CLEC2L: variants seen among roughly 807,000 people sequenced by gnomAD.
CLEC2L encodes C-type lectin domain family 2, member L.
A neutral mutation model predicts 23.6 loss-of-function variants in CLEC2L; 14 were observed. The observed-to-expected ratio is 0.59, with a 90% CI of 0.39 to 0.93. The LOEUF is 0.93. Ranked by LOEUF, CLEC2L falls within the 40% of genes least tolerant of loss-of-function variation. The pLI, the probability that CLEC2L is intolerant of heterozygous loss-of-function variation, is 0.00. For missense variants in CLEC2L, 264 were observed against 282.4 expected, an observed-to-expected ratio of 0.93 and a Z score of 0.47; for synonymous variants, 114 against 121.3, an observed-to-expected ratio of 0.94 and a Z score of 0.40.
At chr7:139,532,318 C>T (rs1454277869) in intron 1 of CLEC2L, among the ~76,000 whole-genome samples, 1 of 152,178 alleles carries the variant, frequency 6.6e-6, no homozygotes, top group Non-Finnish European at 1.5e-5. Flanking sequence ...TGGTTTTGCT[C>T]TACCCTTCCT....
Position 139,523,773 on chromosome 7 carries a change from A to G in CLEC2L, c.-155A>G, listed in dbSNP as rs2116537224. 3.0e-6 allele frequency: 1 copy of G among 332,876 alleles called. No individual in the cohort carries two copies. Among genetic ancestry groups the G allele is most frequent in the Non-Finnish European group, 4.3e-6 (1 of 234,968 alleles). The allele number at this position is 332,876 out of a possible 1,614,324, so 20.6% of individuals were successfully genotyped here. On this transcript the variant is annotated 5_prime_UTR_variant, in exon 1 of 5. Coordinates refer to ENST00000422142, the MANE Select transcript of CLEC2L (RefSeq NM_001080511.4). This position sits in a 1 kb window ranked among gnomAD's most constrained non-coding sequence, Gnocchi z 4.1. ...CCGGCGCAGAGGCTCCAGCGCGGGG[A>G]GCCGGGCTCAGCCCCGGCCTGCCAG... is the stretch of plus-strand genomic sequence containing the variant.
chr7:139,540,283 G>A lies in CLEC2L; in HGVS notation c.266-38G>A. 4 of 1,574,416 alleles carry A rather than the reference G, an allele frequency of 2.5e-6. No homozygotes were observed. The highest frequency in any genetic ancestry group is 3.5e-6 in the Non-Finnish European group (4 of 1,158,648). On this transcript the variant is annotated intron_variant, in intron 2 of 4. Coordinates refer to ENST00000422142, the MANE Select transcript of CLEC2L (RefSeq NM_001080511.4). This position sits in a 1 kb window ranked among gnomAD's most constrained non-coding sequence, Gnocchi z 5.8. ...AGAAAGCAGAGTGGGACTCGGGCTG[G>A]GGGGGCGGGCAGGGCCGAGCTGGTC...
rs1569425050 is a variant in CLEC2L, at chr7:139,524,132, G to C, written c.190+15G>C. 2 of 1,221,768 alleles carry C rather than the reference G, an allele frequency of 1.6e-6. No individual in the cohort carries two copies. The highest frequency in any genetic ancestry group is 6.5e-5 in the East Asian group (2 of 30,998). The allele number at this position is 1,221,768 out of a possible 1,614,324, so 75.7% of individuals were successfully genotyped here. A position where few individuals can be genotyped will look rare whatever the true frequency, so the allele number is the denominator to read the frequency against. ...GGCCTTGGAGGGTAAGCGCGGAGCG[G>C]CCTCCCTCTCCTGGCCCAGGGACCC... On this transcript the variant is annotated intron_variant, in intron 1 of 4. Transcript: ENST00000422142.
chr7:139,527,716 G>A (rs1797525031), intron 1 of CLEC2L, among the ~76,000 whole-genome samples: 1 of 152,136 alleles, frequency 6.6e-6, no homozygotes, highest in Non-Finnish European at 1.5e-5. Context: ...GACAGAGTGA[G>A]CCTGCGTGCC....
intron 1 of CLEC2L, 100 bp from the exon 2 acceptor site, chr7:139,536,174 C>A: frequency 1.1e-6 from 1 of 872,362 alleles, no homozygotes; most frequent in Non-Finnish European, 1.8e-6. Flanking sequence ...GCTTGCTGGG[C>A]TCTACCTCCC....
Position 139,523,961 on chromosome 7 carries a change from C to G in CLEC2L, c.34C>G (p.Arg12Gly). Residue 12 changes from arginine (R) to glycine (G), a missense_variant, in exon 1 of 5, where the codon CGG becomes GGG. Physicochemically the swap from Arg to Gly is moderately radical, Grantham distance 125. Coordinates refer to ENST00000422142, the MANE Select transcript of CLEC2L (RefSeq NM_001080511.4). The surrounding 1 kb of genome is among the most constrained non-coding windows in gnomAD (Gnocchi z 4.1). The stretch of plus-strand genomic sequence containing the variant: ...GGCCCGGGAGCCCCCCTCGCGGGCC[C>G]GGCCGCCGCCGCCCCTCGCCGCGCG... ...EPAREPPSRA[R>G]PPPPLAARPA... is the part of the protein sequence containing the mutation. 1 of 969,700 alleles carries G rather than the reference C, an allele frequency of 1.0e-6. No individual in the cohort carries two copies. Among genetic ancestry groups the G allele is most frequent in the Non-Finnish European group, 1.2e-6 (1 of 818,530 alleles). The allele number at this position is 969,700 out of a possible 1,614,324, so 60.1% of individuals were successfully genotyped here.
At chr7:139,529,651 G>A (rs557971883) in intron 1 of CLEC2L, among the ~76,000 whole-genome samples, 7 of 152,254 alleles carry the variant, frequency 4.6e-5, no homozygotes, top group Admixed American at 1.3e-4. Flanking sequence ...CAGGACTCCT[G>A]GTAACTTGCC....
In CLEC2L at chr7:139,523,935, C is replaced by T. The variant is rs1268519894; in HGVS notation, c.8C>T (p.Pro3Leu). ...CGCGGCGGAGCGCCCCGCATGGAGC[C>T]GGCCCGGGAGCCCCCCTCGCGGGCC... ME[P>L]AREPPSRARP... is the part of the protein sequence containing the mutation. The change falls in exon 1 of 5, where the codon CCG becomes CTG. Residue 3 changes from proline to leucine, a missense_variant. Physicochemically the swap from Pro to Leu is moderately conservative, Grantham distance 98. Coordinates refer to ENST00000422142, the MANE Select transcript of CLEC2L (RefSeq NM_001080511.4). The surrounding 1 kb of genome is among the most constrained non-coding windows in gnomAD (Gnocchi z 4.1). 3.1e-6 allele frequency: 3 copies of T among 975,892 alleles called. No individual in the cohort carries two copies. The African/African-American group carries it at 5.3e-5, about 17-fold the overall frequency. The allele number at this position is 975,892 out of a possible 1,614,324, so 60.5% of individuals were successfully genotyped here. A position where few individuals can be genotyped will look rare whatever the true frequency, so the allele number is the denominator to read the frequency against.
chr7:139,535,558 A>C (rs1376989258), intron 1 of CLEC2L, among the ~76,000 whole-genome samples: 4 of 152,234 alleles, frequency 2.6e-5, no homozygotes, highest in Non-Finnish European at 4.4e-5. Flanking sequence ...TAAAATCCTT[A>C]AAATACCCTA....
At chr7:139,527,998 G>A (rs150910165) in intron 1 of CLEC2L, among the ~76,000 whole-genome samples, 13 of 152,300 alleles carry the variant, frequency 8.5e-5, no homozygotes, top group African/African-American at 3.1e-4. Context: ...GGGCCTGGGA[G>A]TCAGGTTTTT....
At chr7:139,527,533 T>G (rs1258657053) in intron 1 of CLEC2L, among the ~76,000 whole-genome samples, 2 of 152,190 alleles carry the variant, frequency 1.3e-5, no homozygotes, top group Non-Finnish European at 2.9e-5. Flanking sequence ...TAATCAAGTC[T>G]TTTCTCTCGC....
At position 139,536,285 on chromosome 7, in the gene CLEC2L, C is replaced by A; in HGVS notation, c.202C>A (p.Arg68Ser). The A allele has an allele frequency of 6.4e-7, 1 of 1,551,274 alleles. No homozygotes were observed. Among genetic ancestry groups the A allele is most frequent in the Non-Finnish European group, 8.7e-7 (1 of 1,146,776 alleles). The stretch of plus-strand genomic sequence containing the variant: ...CTCTCTTCTCCTAGACACCACCACA[C>A]GCCTCCTGCTGGGTGCCATCGCGGT... ...WKAALEDTTTRLLLGAIAVLL... is the reference protein window; with the variant it reads ...WKAALEDTTTSLLLGAIAVLL... Residue 68 changes from arginine to serine, a missense_variant, in exon 2 of 5, where the codon CGC becomes AGC. Transcript: ENST00000422142.
chr7:139,542,180 C>A, intron 4 of CLEC2L, 59 bp downstream of exon 4: 1 of 1,143,498 alleles, frequency 8.7e-7, no homozygotes, highest in Non-Finnish European at 1.3e-6. Context: ...CCTGACTCAC[C>A]CCCTGGACAC....
At chr7:139,535,892 C>A (rs1014961100) in intron 1 of CLEC2L, among the ~76,000 whole-genome samples, 13 of 152,242 alleles carry the variant, frequency 8.5e-5, no homozygotes, top group African/African-American at 3.1e-4. Context: ...ATTTCATGAG[C>A]AGTGGGTAGC....
intron 1 of CLEC2L, among the ~76,000 whole-genome samples, chr7:139,534,065 CA>C (rs549587238): frequency 2.3e-3 from 346 of 152,244 alleles, no homozygotes; most frequent in African/African-American, 8.0e-3. Flanking sequence ...GGGCTGTAAT[CA>C]AAACAATGCA....
chr7:139,533,981 A>G (rs1247721534), intron 1 of CLEC2L, among the ~76,000 whole-genome samples: 1 of 152,232 alleles, frequency 6.6e-6, no homozygotes, highest in Non-Finnish European at 1.5e-5. Flanking sequence ...ACTGTACTTA[A>G]CTGTGCACTC....
chr7:139,541,973 T>C (rs750733425), intron 3 of CLEC2L, 48 bp from the exon 4 acceptor site: 7 of 1,308,968 alleles, frequency 5.3e-6, no homozygotes, highest in Non-Finnish European at 6.5e-6. Context: ...GTGACAGCAG[T>C]CAGGAGACCG....
At chr7:139,524,893 G>T (rs1274999671) in intron 1 of CLEC2L, among the ~76,000 whole-genome samples, 3 of 152,136 alleles carry the variant, frequency 2.0e-5, no homozygotes, top group Admixed American at 1.3e-4. Flanking sequence ...AACTAGGGAA[G>T]CCTGGAGCCT....
intron 1 of CLEC2L, among the ~76,000 whole-genome samples, chr7:139,525,961 C>T (rs1455311316): frequency 2.0e-5 from 3 of 152,196 alleles, no homozygotes; most frequent in Non-Finnish European, 2.9e-5. Flanking sequence ...CCAGCCTTGC[C>T]TCACCATGGC....
Sources: gnomAD v4.1 joint callset for allele counts (sites outside exome capture counted in the v4.1 genomes callset) on GRCh38, gnomAD v4.1.1 for gene constraint, Gnocchi (gnomAD v3.1) non-coding constraint, MANE v1.5 for transcripts, NCBI Gene and HGNC (gene_info 2026-07-23, HGNC 2026-07-21) for gene names.